Variants in SNX19 observed in about 807,000 individuals in gnomAD.
SNX19 encodes the protein sorting nexin-19.
In SNX19, 60 loss-of-function variants were observed where a neutral mutation model predicts 85.2. That is an observed-to-expected ratio of 0.70 (90% confidence interval 0.57 to 0.87). SNX19 has a LOEUF of 0.87. Ranked by LOEUF, SNX19 falls within the 40% of genes least tolerant of loss-of-function variation. The pLI is 0.00. For missense variants in SNX19, 1,201 were observed against 1,217.8 expected, an observed-to-expected ratio of 0.99 and a Z score of 0.21; for synonymous variants, 520 against 470.0, an observed-to-expected ratio of 1.11 and a Z score of -1.38.
chr11:130,906,274 G>A (rs1945662710), intron 6 of SNX19, 141 bp from the exon 7 acceptor site: 7 of 871,686 alleles, frequency 8.0e-6, no homozygotes, highest in Middle Eastern at 2.9e-4. Flanking sequence ...CTTTAGGAAA[G>A]ATTTTATTTT....
chr11:130,881,419 T>C (rs1040006340), intron 8 of SNX19, among the ~76,000 whole-genome samples: 4 of 152,216 alleles, frequency 2.6e-5, no homozygotes, highest in African/African-American at 9.6e-5. Flanking sequence ...CCTCCGTCTC[T>C]GGGTGAGCCT....
rs906933187 is a variant in SNX19, at chr11:130,874,844, T to C, written c.*3578A>G. On this transcript the variant is annotated 3_prime_UTR_variant, in exon 11 of 11. Coordinates refer to ENST00000265909, the MANE Select transcript of SNX19 (RefSeq NM_014758.3). ...TCACCTAATACCTTTTAAGATGCCA[T>C]TATGAAAAAACAAAACATTACAAGT... 6.6e-6 allele frequency among the ~76,000 whole-genome samples: 1 copy of C among 152,288 alleles called. No homozygotes were observed. Among genetic ancestry groups the C allele is most frequent in the Middle Eastern group, 3.4e-3 (1 of 294 alleles).
In SNX19 at chr11:130,868,961, T is replaced by A. The variant is rs1384104552; in HGVS notation, c.*9461A>T. On this transcript the variant is annotated 3_prime_UTR_variant, in exon 11 of 11. Coordinates refer to ENST00000265909, the MANE Select transcript of SNX19 (RefSeq NM_014758.3). Reference sequence around the variant, plus strand: ...CGTCATTTATGGATCAGCAACTGCTTGTAGGCAAAGTCTGTTACATGCCTG... The same window carrying A: ...CGTCATTTATGGATCAGCAACTGCTAGTAGGCAAAGTCTGTTACATGCCTG... 1.3e-5 allele frequency: 2 copies of A among 152,342 alleles called. No homozygotes were observed. Among genetic ancestry groups the A allele is most frequent in the South Asian group, 4.1e-4 (2 of 4,824 alleles). The allele number at this position is 152,342 out of a possible 1,614,324, so 9.4% of individuals were successfully genotyped here.
rs1274721863 is a variant in SNX19 at position 130,914,645 on chromosome 11, G to A, written c.1295C>T (p.Thr432Ile). ...AEAEEGPGTE[T>I]ETGLPVSTLN... ...TGTGGAGACCGGCAGGCCTGTCTCT[G>A]TTTCTGTCCCTGGACCCTCCTCAGC... The change falls in exon 1 of 11, where the codon ACA becomes ATA. Residue 432 changes from threonine (T) to isoleucine (I), a missense_variant. This residue lies in a region of SNX19 where 791 missense variants were observed against 750.9 expected (regional missense o/e 1.05). Coordinates refer to ENST00000265909, the MANE Select transcript of SNX19 (RefSeq NM_014758.3). The A allele has an allele frequency of 2.5e-6, 4 of 1,613,786 alleles. No individual in the cohort carries two copies. The highest frequency in any genetic ancestry group is 4.5e-5 in the East Asian group (2 of 44,872).
Position 130,873,473 on chromosome 11 carries a change from T to C in SNX19, c.*4949A>G, listed in dbSNP as rs529925459. On this transcript the variant is annotated 3_prime_UTR_variant, in exon 11 of 11. Transcript: ENST00000265909. The stretch of plus-strand genomic sequence containing the variant: ...GGGCAGTTTAGTATAGTGGATATAC[T>C]ACGTAGACTCAGAGGCAGATTGACA... Among the ~76,000 whole-genome samples, 43 of 152,262 alleles carry C rather than the reference T, an allele frequency of 2.8e-4. No individual in the cohort carries two copies. The highest frequency in any genetic ancestry group is 3.3e-4 in the Admixed American group (5 of 15,298).
rs770765845 is a variant in SNX19 at position 130,915,030 on chromosome 11, TC to T, written c.909del (p.Arg304GlufsTer5). The T allele has an allele frequency of 5.6e-6, 9 of 1,613,992 alleles. No individual in the cohort carries two copies. On this transcript the variant is annotated frameshift_variant, in exon 1 of 11. Coordinates refer to ENST00000265909, the MANE Select transcript of SNX19 (RefSeq NM_014758.3). LOFTEE classifies it high-confidence loss of function. ...LIAEVEQLPE[G>X]RASPVAAPVF... The stretch of plus-strand genomic sequence containing the variant: ...ACTGGGGCTGCTACTGGAGAAGCTC[TC>T]CCTTCTGGAAGCTGCTCTACCTCAG...
chr11:130,910,084 A>G lies in SNX19; in HGVS notation c.1968T>C (p.Leu656=). ...IANSEEVQEF[L]ALNTDARIAF... ...CAATACGAGCATCTGTGTTCAGAGCAAGGAACTCCTGCACCTCCTCACTGT... is the reference window on the plus strand; with the variant it reads ...CAATACGAGCATCTGTGTTCAGAGCGAGGAACTCCTGCACCTCCTCACTGT... The change falls in exon 4 of 11, where the codon CTT becomes CTC. Residue 656 remains leucine, a synonymous_variant. Transcript: ENST00000265909. 1 of 1,614,162 alleles carries G rather than the reference A, an allele frequency of 6.2e-7. No individual in the cohort carries two copies.
chr11:130,884,099 A>C (rs1006076504), intron 8 of SNX19, among the ~76,000 whole-genome samples: 2 of 152,144 alleles, frequency 1.3e-5, no homozygotes, highest in Non-Finnish European at 2.9e-5. Flanking sequence ...TCATCCAAAT[A>C]TCTTTCCTCT....
intron 8 of SNX19, among the ~76,000 whole-genome samples, chr11:130,893,257 G>C (rs10736590): frequency 0.6 from 90,908 of 151,882 alleles, 27,634 homozygotes; most frequent in South Asian, 0.73. Context: ...CAAATATTAC[G>C]GATAACAGAT....
rs1386143377 is a variant in SNX19, at chr11:130,871,060, TG to T, written c.*7361del. 1.8e-4 allele frequency among the ~76,000 whole-genome samples: 27 copies of T among 152,102 alleles called. No homozygotes were observed. The highest frequency in any genetic ancestry group is 3.8e-4 in the Non-Finnish European group (26 of 68,016). ...GGCAGAGGTAGCCTACTTGCCCAGC[TG>T]GAGAAGAGAAGGTAATCTACCACGT... On this transcript the variant is annotated 3_prime_UTR_variant, in exon 11 of 11. Coordinates refer to ENST00000265909, the MANE Select transcript of SNX19 (RefSeq NM_014758.3).
At chr11:130,908,589 A>T (rs1592362953) in intron 4 of SNX19, among the ~76,000 whole-genome samples, 2 of 152,328 alleles carry the variant, frequency 1.3e-5, no homozygotes, top group East Asian at 3.9e-4. Flanking sequence ...CAGAGCAAAC[A>T]ATCAGTTTTT....
rs1009373629 is a variant in SNX19 at position 130,881,897 on chromosome 11, G to C, written c.2574-1091C>G. ...TCTTCAACTAAATTATAAGCTGTAA[G>C]AGTTCTGTGTCTTGTACTTTAAAAA... On this transcript the variant is annotated intron_variant, in intron 8 of 10. Transcript: ENST00000265909. 2.0e-5 allele frequency among the ~76,000 whole-genome samples: 3 copies of C among 152,332 alleles called. 1 individual carries two copies. In the South Asian group the frequency reaches 6.2e-4, roughly 32 times the overall value.
chr11:130,906,204 T>A, intron 6 of SNX19, 71 bp from the exon 7 acceptor site: 1 of 1,493,978 alleles, frequency 6.7e-7, no homozygotes, highest in Non-Finnish European at 9.1e-7. Flanking sequence ...CACTCTAGGT[T>A]TCCCTGCCTC....
chr11:130,911,616 T>G lies in SNX19; in HGVS notation c.1813+17A>C. 6 of 1,613,830 alleles carry G rather than the reference T, an allele frequency of 3.7e-6. No individual in the cohort carries two copies. Among genetic ancestry groups the G allele is most frequent in the Non-Finnish European group, 5.1e-6 (6 of 1,179,906 alleles). On this transcript the variant is annotated intron_variant, in intron 2 of 10. Transcript: ENST00000265909. ...GTGGGAAGCAAGCGGGCAGTAGGGGTTGGGGAAACTCCTGACTTTTGATGA... is the reference window on the plus strand; with the variant it reads ...GTGGGAAGCAAGCGGGCAGTAGGGGGTGGGGAAACTCCTGACTTTTGATGA...
Position 130,869,547 on chromosome 11 carries a change from A to G in SNX19, c.*8875T>C, listed in dbSNP as rs2135245077. The G allele has an allele frequency of 6.6e-6, 1 of 152,328 alleles. No individual in the cohort carries two copies. The highest frequency in any genetic ancestry group is 1.9e-4 in the East Asian group (1 of 5,176). The allele number at this position is 152,328 out of a possible 1,614,324, so 9.4% of individuals were successfully genotyped here. A position where few individuals can be genotyped will look rare whatever the true frequency, so the allele number is the denominator to read the frequency against. On this transcript the variant is annotated 3_prime_UTR_variant, in exon 11 of 11. Transcript: ENST00000265909. ...TTCCAATGTCTGAACTGTTTTTACAACAGATTTTCCACAGAAAGCTCAACA... is the reference window on the plus strand; with the variant it reads ...TTCCAATGTCTGAACTGTTTTTACAGCAGATTTTCCACAGAAAGCTCAACA...
intron 8 of SNX19, chr11:130,893,833 GC>G: frequency 1.4e-6 from 1 of 702,168 alleles, no homozygotes; most frequent in Admixed American, 2.0e-5. Flanking sequence ...ATCTTTCGGG[GC>G]CAGCATTATA....
chr11:130,910,433 A>G (rs1946018018), intron 2 of SNX19, 63 bp from the exon 3 acceptor site: 2 of 1,174,306 alleles, frequency 1.7e-6, no homozygotes, highest in Non-Finnish European at 2.4e-6. Context: ...GCTATTCCAT[A>G]TAAAACATAT....
chr11:130,871,104 C>G lies in SNX19; in HGVS notation c.*7318G>C, dbSNP rs1266921613. The stretch of plus-strand genomic sequence containing the variant: ...TACCACGTGGAAGGAAGGACATGAA[C>G]AAAAAAATGAAAGCAGGAAGGAACA... On this transcript the variant is annotated 3_prime_UTR_variant, in exon 11 of 11. Coordinates refer to ENST00000265909, the MANE Select transcript of SNX19 (RefSeq NM_014758.3). Among the ~76,000 whole-genome samples the G allele has an allele frequency of 1.3e-5, 2 of 151,846 alleles. No individual in the cohort carries two copies. The highest frequency in any genetic ancestry group is 4.8e-5 in the African/African-American group (2 of 41,332).
chr11:130,880,347 G>A (rs148257197), intron 9 of SNX19, among the ~76,000 whole-genome samples: 36 of 151,630 alleles, frequency 2.4e-4, no homozygotes, highest in African/African-American at 7.0e-4. Flanking sequence ...TAGAGAGAAA[G>A]TTATTAACCT....
Sources: allele counts gnomAD v4.1 joint callset (sites outside exome capture counted in the v4.1 genomes callset), GRCh38; gene constraint gnomAD v4.1.1; regional missense constraint gnomAD v4.1.1; transcripts MANE v1.5; gene names NCBI Gene and HGNC (gene_info 2026-07-23, HGNC 2026-07-21).